ATL2: variants seen among roughly 807,000 people sequenced by gnomAD.
ATL2 encodes the protein atlastin GTPase 2.
ATL2 carries 31 observed loss-of-function variants against 73.9 expected under a neutral mutation model. That is an observed-to-expected ratio of 0.42 (90% CI 0.32 to 0.57). ATL2 has a LOEUF of 0.57. Ranked by LOEUF, ATL2 falls within the 20% of genes least tolerant of loss-of-function variation. The pLI, the probability that ATL2 is intolerant of heterozygous loss-of-function variation, is 0.14. For missense variants in ATL2, 738 were observed against 702.6 expected (o/e 1.05, Z -0.57); for synonymous variants, 291 against 237.5 (o/e 1.23, Z -2.07).
chr2:38,311,509 G>A (rs1558396127), intron 7 of ATL2, among the ~76,000 whole-genome samples: 1 of 152,010 alleles, frequency 6.6e-6, no homozygotes, highest in Admixed American at 6.5e-5. Context: ...TCATTCAATA[G>A]ATACTATACA....
chr2:38,329,836 G>A (rs536285193), intron 2 of ATL2, among the ~76,000 whole-genome samples: 1 of 151,838 alleles, frequency 6.6e-6, no homozygotes, highest in African/African-American at 2.4e-5. Flanking sequence ...ATAGTCTAAA[G>A]AAAAAAAATC....
At chr2:38,371,584 A>T (rs1254443523) in intron 1 of ATL2, among the ~76,000 whole-genome samples, 1 of 152,106 alleles carries the variant, frequency 6.6e-6, no homozygotes, top group Admixed American at 6.6e-5. Context: ...GAAGGAAAAA[A>T]AAAAATGTTA....
chr2:38,356,841 G>T (rs1297504996), intron 1 of ATL2, among the ~76,000 whole-genome samples: 1 of 152,070 alleles, frequency 6.6e-6, no homozygotes, highest in African/African-American at 2.4e-5. Flanking sequence ...CCTCTTGTAT[G>T]AACGGTCTAT....
intron 1 of ATL2, among the ~76,000 whole-genome samples, chr2:38,357,629 G>A (rs1553340859): frequency 1.6e-5 from 2 of 127,112 alleles, no homozygotes; most frequent in South Asian, 2.7e-4. Context: ...TCCAGCCTGC[G>A]TGACAGAGCA....
chr2:38,296,196 T>C, intron 12 of ATL2, 83 bp from the exon 13 acceptor site: 1 of 1,441,696 alleles, frequency 6.9e-7, no homozygotes, highest in Non-Finnish European at 9.1e-7. Context: ...AAAAATTCAA[T>C]TCAAAGCAAT....
intron 2 of ATL2, among the ~76,000 whole-genome samples, chr2:38,325,605 T>C (rs1469775263): frequency 1.4e-5 from 2 of 146,628 alleles, no homozygotes; most frequent in Non-Finnish European, 3.0e-5. Context: ...AAGTAACCAC[T>C]ATCTACACAC....
chr2:38,314,321 T>G (rs1370925350), intron 6 of ATL2, among the ~76,000 whole-genome samples: 4 of 152,210 alleles, frequency 2.6e-5, no homozygotes, highest in Admixed American at 2.6e-4. Flanking sequence ...GACTGTCATA[T>G]ATTTCCTATT....
Position 38,310,466 on chromosome 2 carries a change from A to C in ATL2, c.805-19T>G. The stretch of plus-strand genomic sequence containing the variant: ...GTTTTACCTGAGGGCGGAGAGAGAC[A>C]GGTGAAATTGTAAACAGAAGAAAGA... On this transcript the variant is annotated intron_variant, in intron 7 of 12. Transcript: ENST00000378954. 1 of 1,578,290 alleles carries C rather than the reference A, an allele frequency of 6.3e-7. No individual in the cohort carries two copies. Among genetic ancestry groups the C allele is most frequent in the Admixed American group, 2.0e-5 (1 of 49,762 alleles).
intron 2 of ATL2, among the ~76,000 whole-genome samples, chr2:38,337,929 C>G (rs936080322): frequency 6.6e-6 from 1 of 152,122 alleles, no homozygotes; most frequent in Non-Finnish European, 1.5e-5. Context: ...CATTACTTAG[C>G]ATCAATATCG....
At chr2:38,357,759 A>C (rs1670763629) in intron 1 of ATL2, among the ~76,000 whole-genome samples, 1 of 152,004 alleles carries the variant, frequency 6.6e-6, no homozygotes, top group Non-Finnish European at 1.5e-5. Context: ...ATACATATAC[A>C]CCCTAGAATA....
At chr2:38,300,369 A>AT (rs556429883) in intron 9 of ATL2, 41 bp from the exon 10 acceptor site, 13 of 1,428,666 alleles carry the variant, frequency 9.1e-6, no homozygotes, top group South Asian at 7.0e-5. Flanking sequence ...GGATTATGCA[A>AT]TTTGGCTCCA....
intron 1 of ATL2, among the ~76,000 whole-genome samples, chr2:38,373,881 C>T (rs982635657): frequency 6.6e-6 from 1 of 152,132 alleles, no homozygotes; most frequent in African/African-American, 2.4e-5. Context: ...CAGGTTGGTA[C>T]TTTCTTCCTG....
chr2:38,365,134 TACACACAC>T (rs541325892), intron 1 of ATL2, among the ~76,000 whole-genome samples: 30 of 132,738 alleles, frequency 2.3e-4, no homozygotes, highest in Middle Eastern at 3.8e-3. Flanking sequence ...AAGGGAATCA[TACACACAC>T]ACACACACAC....
intron 2 of ATL2, among the ~76,000 whole-genome samples, chr2:38,330,134 A>AAAAG (rs1441770982): frequency 6.8e-6 from 1 of 146,366 alleles, no homozygotes; most frequent in East Asian, 1.9e-4. Flanking sequence ...CTCAAAAAAG[A>AAAAG]AAAGAAAGAA....
At chr2:38,375,697 A>G (rs1671921251) in intron 1 of ATL2, among the ~76,000 whole-genome samples, 1 of 152,248 alleles carries the variant, frequency 6.6e-6, no homozygotes, top group South Asian at 2.1e-4. Flanking sequence ...TCCAACCAAA[A>G]GAGCGAAATT....
At chr2:38,347,159 A>G (rs955744550) in intron 1 of ATL2, among the ~76,000 whole-genome samples, 1 of 152,220 alleles carries the variant, frequency 6.6e-6, no homozygotes, top group Non-Finnish European at 1.5e-5. Context: ...TAGACAAACA[A>G]AAGAAGAAAG....
intron 11 of ATL2, among the ~76,000 whole-genome samples, chr2:38,298,942 G>T (rs1667046775): frequency 2.0e-5 from 3 of 152,258 alleles, no homozygotes; most frequent in African/African-American, 7.2e-5. Context: ...AGCAAGTACA[G>T]AAACTGCTAC....
intron 10 of ATL2, 37 bp downstream of exon 10, chr2:38,300,235 G>A: frequency 1.4e-6 from 2 of 1,480,446 alleles, no homozygotes; most frequent in South Asian, 2.4e-5. Flanking sequence ...TCATAAATAA[G>A]TATATGTACA....
At chr2:38,347,368 T>C (rs1160572382) in intron 1 of ATL2, among the ~76,000 whole-genome samples, 2 of 152,174 alleles carry the variant, frequency 1.3e-5, no homozygotes, top group African/African-American at 4.8e-5. Context: ...TGTCCTGTGT[T>C]GTCCCCTATC....
Sources: allele counts gnomAD v4.1 joint callset (sites outside exome capture counted in the v4.1 genomes callset), GRCh38; gene constraint gnomAD v4.1.1; transcripts MANE v1.5; gene names NCBI Gene and HGNC (gene_info 2026-07-23, HGNC 2026-07-21).